CGRRF1: variants seen among roughly 807,000 people sequenced by gnomAD.
CGRRF1 encodes cell growth regulator with ring finger domain 1.
A neutral mutation model predicts 37.2 loss-of-function variants in CGRRF1; 32 were observed. The ratio of observed to expected loss-of-function variants is 0.86; its 90% CI spans 0.65 to 1.16. CGRRF1 has a LOEUF of 1.16. Ranked by LOEUF, CGRRF1 falls within the 50% of genes most tolerant of loss-of-function variation. The pLI, the probability that CGRRF1 is intolerant of heterozygous loss-of-function variation, is 0.00. For synonymous variants in CGRRF1, 141 were observed against 140.3 expected (o/e 1.00, Z -0.04); for missense variants, 391 against 382.6 (o/e 1.02, Z -0.18).
At chr14:54,521,574 G>A (rs1487863081) in intron 1 of CGRRF1, among the ~76,000 whole-genome samples, 2 of 151,010 alleles carry the variant, frequency 1.3e-5, no homozygotes, top group African/African-American at 4.9e-5. Context: ...GCACGATCTC[G>A]GCTCACTGCA....
At chr14:54,519,093 C>T (rs1475977792) in intron 1 of CGRRF1, among the ~76,000 whole-genome samples, 1 of 152,082 alleles carries the variant, frequency 6.6e-6, no homozygotes, top group Admixed American at 6.6e-5. Flanking sequence ...CAGGCATGCA[C>T]CACCATGCCC....
intron 4 of CGRRF1, among the ~76,000 whole-genome samples, chr14:54,531,341 A>C (rs567703748): frequency 6.6e-6 from 1 of 151,850 alleles, no homozygotes; most frequent in African/African-American, 2.4e-5. Context: ...ACACCTATTT[A>C]GTTTTTATAT....
At chr14:54,523,804 G>A (rs957932136) in intron 2 of CGRRF1, among the ~76,000 whole-genome samples, 2 of 152,034 alleles carry the variant, frequency 1.3e-5, no homozygotes, top group Admixed American at 6.6e-5. Context: ...AAATTCTTTC[G>A]TGACAGTTCA....
intron 2 of CGRRF1, among the ~76,000 whole-genome samples, chr14:54,529,171 C>T (rs569635960): frequency 1.6e-4 from 24 of 152,166 alleles, no homozygotes. Context: ...TGTATCAGTG[C>T]CAAGGAGTAC....
intron 2 of CGRRF1, among the ~76,000 whole-genome samples, chr14:54,529,730 G>A (rs2032475964): frequency 6.6e-6 from 1 of 152,134 alleles, no homozygotes; most frequent in African/African-American, 2.4e-5. Context: ...ATAGTGAACT[G>A]TATTTTAGTT....
chr14:54,521,402 A>G (rs1170630500), intron 1 of CGRRF1, among the ~76,000 whole-genome samples: 1 of 151,756 alleles, frequency 6.6e-6, no homozygotes, highest in Non-Finnish European at 1.5e-5. Flanking sequence ...CAGAGGTTAT[A>G]GTGAGCCAAG....
At chr14:54,523,728 A>C (rs2032361142) in intron 2 of CGRRF1, among the ~76,000 whole-genome samples, 1 of 152,212 alleles carries the variant, frequency 6.6e-6, no homozygotes, top group Non-Finnish European at 1.5e-5. Flanking sequence ...AAAAATGAGG[A>C]GTACAGAAAG....
At chr14:54,513,575 T>C (rs980065144) in intron 1 of CGRRF1, among the ~76,000 whole-genome samples, 2 of 123,334 alleles carry the variant, frequency 1.6e-5, no homozygotes, top group Non-Finnish European at 3.6e-5. Flanking sequence ...TTTTATGTTA[T>C]GTTATGTTAT....
At position 54,538,312 on chromosome 14, in the gene CGRRF1, C is replaced by T. The variant is rs1162160504; in HGVS notation, c.928C>T (p.Gln310Ter). Residue 310 changes from glutamine (Q) to a stop codon, truncating the protein, a stop_gained, in exon 6 of 6, where the codon CAG (glutamine) becomes TAG (stop). Transcript: ENST00000216420. LOFTEE classifies it high-confidence loss of function. Reference protein sequence around the residue: ...KYFQQCPMCRQFVQESFALCS... With the variant: ...KYFQQCPMCR The stretch of plus-strand genomic sequence containing the variant: ...TTTTCAGCAGTGCCCAATGTGCAGG[C>T]AGTTTGTTCAGGAATCTTTTGCACT... 6.2e-7 allele frequency: 1 copy of T among 1,613,964 alleles called. No individual in the cohort carries two copies. The highest frequency in any genetic ancestry group is 1.3e-5 in the African/African-American group (1 of 74,904).
intron 1 of CGRRF1, among the ~76,000 whole-genome samples, chr14:54,519,011 C>T (rs757309951): frequency 6.6e-6 from 1 of 152,094 alleles, no homozygotes; most frequent in East Asian, 1.9e-4. Flanking sequence ...GGCATGATCT[C>T]GGCTCTCTGC....
rs1194990514 is a variant in CGRRF1, at chr14:54,539,165, A to G, written c.*782A>G. ...ACCTTAGATTTCTGCCTGCACAGCA[A>G]ATCCATCCAGAACTGAGGTGGGAGG... On this transcript the variant is annotated 3_prime_UTR_variant, in exon 6 of 6. Transcript: ENST00000216420. 6.6e-6 allele frequency: 1 copy of G among 152,220 alleles called. No individual in the cohort carries two copies. The highest frequency in any genetic ancestry group is 1.5e-5 in the Non-Finnish European group (1 of 68,036). The allele number at this position is 152,220 out of a possible 1,614,324, so 9.4% of individuals were successfully genotyped here.
intron 1 of CGRRF1, among the ~76,000 whole-genome samples, chr14:54,519,268 C>T (rs2032273615): frequency 6.7e-6 from 1 of 149,462 alleles, no homozygotes; most frequent in East Asian, 2.0e-4. Context: ...GACAGAATCT[C>T]TCTGTGTTGC....
intron 1 of CGRRF1, among the ~76,000 whole-genome samples, chr14:54,513,559 A>G (rs374882817): frequency 5.1e-4 from 77 of 151,788 alleles, no homozygotes; most frequent in African/African-American, 1.7e-3. Context: ...TAAAAATTGG[A>G]CACAGTTTTA....
chr14:54,529,456 T>G (rs2032469948), intron 2 of CGRRF1, among the ~76,000 whole-genome samples: 1 of 152,256 alleles, frequency 6.6e-6, no homozygotes, highest in Admixed American at 6.5e-5. Flanking sequence ...TTAAACTCTT[T>G]ATGTTTTGGA....
intron 2 of CGRRF1, among the ~76,000 whole-genome samples, chr14:54,524,342 T>C (rs1368433374): frequency 6.6e-6 from 1 of 151,982 alleles, no homozygotes; most frequent in Non-Finnish European, 1.5e-5. Flanking sequence ...GTCAAATAGA[T>C]CATCAGGCTT....
intron 1 of CGRRF1, among the ~76,000 whole-genome samples, chr14:54,513,504 A>G (rs1023255117): frequency 1.3e-5 from 2 of 152,222 alleles, no homozygotes; most frequent in African/African-American, 4.8e-5. Context: ...AAAAGTTTCC[A>G]TGGTTCTAAA....
At chr14:54,526,476 AAAAG>A (rs1427515839) in intron 2 of CGRRF1, among the ~76,000 whole-genome samples, 2 of 152,248 alleles carry the variant, frequency 1.3e-5, no homozygotes, top group East Asian at 1.9e-4. Context: ...AATTAAAAAA[AAAAG>A]AAAACCAGAG....
At chr14:54,534,910 G>C (rs2032575992) in intron 4 of CGRRF1, among the ~76,000 whole-genome samples, 1 of 152,170 alleles carries the variant, frequency 6.6e-6, no homozygotes, top group East Asian at 1.9e-4. Context: ...CTAAAGACAG[G>C]ATCTTACTGT....
intron 4 of CGRRF1, chr14:54,536,762 G>A (rs1254110192): frequency 2.0e-5 from 3 of 151,926 alleles, no homozygotes; most frequent in Non-Finnish European, 2.9e-5. Context: ...CCTTTAATTT[G>A]TGACACACCT....
Sources: gnomAD v4.1 joint callset for allele counts (sites outside exome capture counted in the v4.1 genomes callset) on GRCh38, gnomAD v4.1.1 for gene constraint, MANE v1.5 for transcripts, NCBI Gene and HGNC (gene_info 2026-07-23, HGNC 2026-07-21) for gene names.